The following PBX4 variants were observed in gnomAD, a reference collection of about 807,000 sequenced individuals.
The protein encoded by PBX4 is PBX homeobox 4, also known as pre-B-cell leukemia transcription factor 4.
In PBX4, 26 loss-of-function variants were observed where a neutral mutation model predicts 35.1. That is an observed-to-expected ratio of 0.74 (90% CI 0.54 to 1.03). The LOEUF is 1.03. Among genes scored for constraint, PBX4 ranks in the 50% least tolerant of loss-of-function variants. The probability of loss-of-function intolerance (pLI) is 0.00; values close to 1 mark genes in which losing one functional copy is unlikely to be tolerated. For missense variants in PBX4, 448 were observed against 504.3 expected (o/e 0.89, Z 1.07); for synonymous variants, 199 against 204.2 (o/e 0.97, Z 0.22).
At chr19:19,615,509 A>G (rs1246783725) in intron 1 of PBX4, among the ~76,000 whole-genome samples, 2 of 152,230 alleles carry the variant, frequency 1.3e-5, no homozygotes, top group Admixed American at 1.3e-4. Context: ...ACTTGAGAGC[A>G]GGAAGAACTT....
intron 5 of PBX4, 50 bp from the exon 6 acceptor site, chr19:19,565,139 A>T (rs1400850450): frequency 6.2e-7 from 1 of 1,611,704 alleles, no homozygotes; most frequent in Non-Finnish European, 8.5e-7. Flanking sequence ...GACTTCTGAG[A>T]CACGACGCAG....
At position 19,561,942 on chromosome 19, in the gene PBX4, G is replaced by A. The variant is rs1175921804; in HGVS notation, c.*83C>T. 1.5e-5 allele frequency: 19 copies of A among 1,252,958 alleles called. No homozygotes were observed. The highest frequency in any genetic ancestry group is 2.0e-5 in the Non-Finnish European group (18 of 903,176). The allele number at this position is 1,252,958 out of a possible 1,614,324, so 77.6% of individuals were successfully genotyped here. A position where few individuals can be genotyped will look rare whatever the true frequency, so the allele number is the denominator to read the frequency against. ...CCACCCATCTGGGTTTTCTGAGGTC[G>A]TCGGCGGCACGTTCAGTAACAAAGC... On this transcript the variant is annotated 3_prime_UTR_variant, in exon 8 of 8. Transcript: ENST00000251203.
chr19:19,592,000 A>C (rs1325011687), intron 2 of PBX4, among the ~76,000 whole-genome samples: 1 of 152,106 alleles, frequency 6.6e-6, no homozygotes, highest in Non-Finnish European at 1.5e-5. Flanking sequence ...AGCTAGGATT[A>C]TAGGCACCCG....
At chr19:19,573,581 T>C (rs1468637828) in intron 2 of PBX4, among the ~76,000 whole-genome samples, 1 of 152,090 alleles carries the variant, frequency 6.6e-6, no homozygotes, top group Non-Finnish European at 1.5e-5. Context: ...ATGGCACAAA[T>C]TAGTCATGCA....
At chr19:19,565,184 T>A in intron 5 of PBX4, 95 bp from the exon 6 acceptor site, 1 of 1,479,338 alleles carries the variant, frequency 6.8e-7, no homozygotes. Context: ...TTGCTCCCAC[T>A]GCCTTAGAAG....
chr19:19,599,213 C>G, intron 2 of PBX4, 79 bp downstream of exon 2: 1 of 1,228,784 alleles, frequency 8.1e-7, no homozygotes, highest in South Asian at 1.2e-5. Context: ...GTGATCTGCC[C>G]GCCTCCGCCT....
chr19:19,569,297 C>T (rs1340922164), intron 5 of PBX4, 152 bp downstream of exon 5: 42 of 1,003,240 alleles, frequency 4.2e-5, no homozygotes, highest in Middle Eastern at 7.0e-4. Context: ...TGGCCTCAAG[C>T]GACCCTCCTA....
chr19:19,582,248 G>T (rs1374145709), intron 2 of PBX4, among the ~76,000 whole-genome samples: 1 of 152,204 alleles, frequency 6.6e-6, no homozygotes, highest in African/African-American at 2.4e-5. Flanking sequence ...CCTGGCGAGG[G>T]CTCCACCCTC....
At chr19:19,605,141 G>C (rs2144781472) in intron 1 of PBX4, among the ~76,000 whole-genome samples, 1 of 151,490 alleles carries the variant, frequency 6.6e-6, no homozygotes, top group Admixed American at 6.6e-5. Flanking sequence ...AAAACTGTCA[G>C]ACACAGTGGC....
rs201219684 is a variant in PBX4, at chr19:19,564,934, G to A, written c.924C>T (p.Ser308=). 43 of 1,614,104 alleles carry A rather than the reference G, an allele frequency of 2.7e-5. No individual in the cohort carries two copies. Among genetic ancestry groups the A allele is most frequent in the East Asian group, 4.5e-5 (2 of 44,898 alleles). ...NHASCLSTPS[S]GSSGPFPLPS... is the part of the protein sequence containing the mutation. ...TGTCCCTGGGCCAGCCTCACTCACCGGAGCTAGGTGTTGACAGGCAGCTGG... is the reference window on the plus strand; with the variant it reads ...TGTCCCTGGGCCAGCCTCACTCACCAGAGCTAGGTGTTGACAGGCAGCTGG... The change falls in exon 6 of 8, where the codon TCC becomes TCT. Residue 308 remains serine (S), a splice_region_variant and synonymous_variant. Transcript: ENST00000251203.
At chr19:19,580,153 G>T (rs1164741921) in intron 2 of PBX4, among the ~76,000 whole-genome samples, 1 of 152,222 alleles carries the variant, frequency 6.6e-6, no homozygotes, top group East Asian at 1.9e-4. Flanking sequence ...GCGCAGACAA[G>T]CATGTCCGCC....
At chr19:19,574,738 G>A (rs914233468) in intron 2 of PBX4, among the ~76,000 whole-genome samples, 4 of 151,606 alleles carry the variant, frequency 2.6e-5, no homozygotes, top group Non-Finnish European at 4.4e-5. Context: ...GGGTTCAAGC[G>A]ATTCTCCTAC....
At chr19:19,565,131 CTT>C in intron 5 of PBX4, 42 bp from the exon 6 acceptor site, 1 of 1,613,120 alleles carries the variant, frequency 6.2e-7, no homozygotes. Flanking sequence ...GACCCAGCGA[CTT>C]CTGAGACACG....
intron 2 of PBX4, among the ~76,000 whole-genome samples, chr19:19,572,543 G>A (rs566257253): frequency 5.0e-4 from 75 of 150,090 alleles, no homozygotes; most frequent in African/African-American, 1.7e-3. Flanking sequence ...GAACTCAAGC[G>A]ATATCCTTGT....
intron 2 of PBX4, among the ~76,000 whole-genome samples, chr19:19,590,156 G>GACC (rs753650899): frequency 6.6e-6 from 1 of 151,956 alleles, no homozygotes; most frequent in Non-Finnish European, 1.5e-5. Context: ...AAGGTTGTGC[G>GACC]ACCACCACCA....
At chr19:19,584,990 G>A (rs573842484) in intron 2 of PBX4, among the ~76,000 whole-genome samples, 20 of 152,182 alleles carry the variant, frequency 1.3e-4, no homozygotes, top group Admixed American at 9.2e-4. Flanking sequence ...TCTAAACAAG[G>A]AGACTTCTGG....
At position 19,570,741 on chromosome 19, in the gene PBX4, G is replaced by T. The variant is rs2061377460; in HGVS notation, c.286C>A (p.Pro96Thr). 2 of 1,614,118 alleles carry T rather than the reference G, an allele frequency of 1.2e-6. No individual in the cohort carries two copies. Among genetic ancestry groups the T allele is most frequent in the Non-Finnish European group, 1.7e-6 (2 of 1,180,020 alleles). The part of the protein sequence containing the change: ...NMLLAEGVCR[P>T]EKRGRGGAVA... ...GCTCCTCCTCTTCCTCTCTTCTCGGGCCTGCACACGCCCTCAGCCAGCAGC... is the reference window on the plus strand; with the variant it reads ...GCTCCTCCTCTTCCTCTCTTCTCGGTCCTGCACACGCCCTCAGCCAGCAGC... Residue 96 changes from proline to threonine, a missense_variant, in exon 3 of 8, where the codon CCC becomes ACC. Pro to Thr is a conservative substitution (Grantham distance 38). Coordinates refer to ENST00000251203, the MANE Select transcript of PBX4 (RefSeq NM_025245.3).
At chr19:19,605,759 G>A (rs930682691) in intron 1 of PBX4, among the ~76,000 whole-genome samples, 26 of 150,332 alleles carry the variant, frequency 1.7e-4, no homozygotes, top group African/African-American at 5.9e-4. Flanking sequence ...CGTGAGCCTT[G>A]TTTCTGGCCT....
chr19:19,577,657 G>A (rs959505544), intron 2 of PBX4, among the ~76,000 whole-genome samples: 2 of 151,656 alleles, frequency 1.3e-5, no homozygotes, highest in Non-Finnish European at 2.9e-5. Flanking sequence ...TCAAGAGGTC[G>A]AGACCATCCT....
Sources: allele counts gnomAD v4.1 joint callset (sites outside exome capture counted in the v4.1 genomes callset), GRCh38; gene constraint gnomAD v4.1.1; transcripts MANE v1.5; gene names NCBI Gene and HGNC (gene_info 2026-07-23, HGNC 2026-07-21).